The following TIAM2 variants were observed in gnomAD, a reference collection of about 807,000 sequenced individuals.
TIAM2 encodes the protein TIAM Rac1 associated GEF 2, also known as rho guanine nucleotide exchange factor TIAM2.
In TIAM2, 80 loss-of-function variants were observed where a neutral mutation model predicts 152.9. The observed-to-expected ratio is 0.52, with a 90% CI of 0.44 to 0.63. The LOEUF (loss-of-function observed/expected upper bound fraction) is 0.63. TIAM2 is among the 30% of genes least tolerant of loss of function. The probability of loss-of-function intolerance (pLI) is 0.00; values close to 1 mark genes in which losing one functional copy is unlikely to be tolerated. For synonymous variants in TIAM2, 804 were observed against 838.0 expected, an observed-to-expected ratio of 0.96 and a Z score of 0.70; for missense variants, 1,965 against 2,120.1, an observed-to-expected ratio of 0.93 and a Z score of 1.44.
chr6:155,014,846 TCTC>T (rs1257692987), intron 1 of TIAM2, among the ~76,000 whole-genome samples: 5 of 152,176 alleles, frequency 3.3e-5, no homozygotes, highest in Non-Finnish European at 4.4e-5. Flanking sequence ...TGCAAATTCT[TCTC>T]CTATGAGAAA....
chr6:155,116,853 A>T (rs1260574909), intron 2 of TIAM2, among the ~76,000 whole-genome samples: 2 of 152,120 alleles, frequency 1.3e-5, no homozygotes, highest in African/African-American at 4.8e-5. Flanking sequence ...ACAATTTTGA[A>T]TCCCATGTTT....
At chr6:155,120,207 C>T (rs9384287) in intron 2 of TIAM2, among the ~76,000 whole-genome samples, 61,873 of 152,104 alleles carry the variant, frequency 0.41, 14,668 homozygotes, top group African/African-American at 0.64. Flanking sequence ...AGATCCTGCT[C>T]GGAGGGCATT....
chr6:155,028,282 T>G (rs181589880), intron 1 of TIAM2, among the ~76,000 whole-genome samples: 2 of 129,936 alleles, frequency 1.5e-5, no homozygotes, highest in African/African-American at 2.8e-5. Flanking sequence ...ATATATGTAC[T>G]GTGTTACATA....
chr6:155,058,368 A>C (rs771030571), intron 1 of TIAM2, among the ~76,000 whole-genome samples: 1 of 152,224 alleles, frequency 6.6e-6, no homozygotes, highest in Non-Finnish European at 1.5e-5. Context: ...GATGATTTTA[A>C]CATGCATCCA....
At chr6:155,105,543 A>T (rs1335812285) in intron 2 of TIAM2, among the ~76,000 whole-genome samples, 1 of 151,486 alleles carries the variant, frequency 6.6e-6, no homozygotes, top group Non-Finnish European at 1.5e-5. Flanking sequence ...TGATCTGCCC[A>T]CATCAGCCTC....
intron 7 of TIAM2, among the ~76,000 whole-genome samples, chr6:155,152,066 A>G (rs1425306277): frequency 6.6e-6 from 1 of 151,584 alleles, no homozygotes; most frequent in African/African-American, 2.4e-5. Flanking sequence ...CTGGTCTCGA[A>G]CTCTGACCTT....
chr6:155,237,082 A>T (rs1381102088), intron 15 of TIAM2, among the ~76,000 whole-genome samples: 1 of 152,256 alleles, frequency 6.6e-6, no homozygotes, highest in Non-Finnish European at 1.5e-5. Context: ...AGCCTGTAAA[A>T]TCAAAAGCAA....
At chr6:155,047,708 A>AGAGAGAGC (rs1777223323) in intron 1 of TIAM2, among the ~76,000 whole-genome samples, 1 of 92,570 alleles carries the variant, frequency 1.1e-5, no homozygotes, top group African/African-American at 3.9e-5. Context: ...AGAGAGAGCG[A>AGAGAGAGC]GAGAGAGAGA....
chr6:155,178,262 C>T lies in TIAM2; in HGVS notation c.2524-777C>T, dbSNP rs148158844. Among the ~76,000 whole-genome samples the T allele has an allele frequency of 7.6e-3, 1,142 of 150,676 alleles. 8 individuals are homozygous for T. The highest frequency in any genetic ancestry group is 0.021 in the Middle Eastern group (6 of 288). ...TTTCTCACTGTTGAAAATATGCATG[C>T]GAGAGAAAATATGAGTGTGTGTGCG... On this transcript the variant is annotated intron_variant, in intron 10 of 26. Coordinates refer to ENST00000682666, the MANE Select transcript of TIAM2 (RefSeq NM_012454.4).
Position 155,212,653 on chromosome 6 carries a change from G to T in TIAM2, c.3168+1346G>T, listed in dbSNP as rs146427030. ...CCAGCCGGAAACCTCTGTGGCCAAG[G>T]GTGCTTTTGCCCAAGTTTTGCTCGG... On this transcript the variant is annotated intron_variant, in intron 15 of 26. Transcript: ENST00000682666. Among the ~76,000 whole-genome samples, 1,044 of 152,122 alleles carry T rather than the reference G, an allele frequency of 6.9e-3. 13 individuals are homozygous for T. The highest frequency in any genetic ancestry group is 0.024 in the African/African-American group (997 of 41,456).
intron 1 of TIAM2, among the ~76,000 whole-genome samples, chr6:155,026,410 A>AT (rs914436695): frequency 3.9e-5 from 6 of 152,022 alleles, no homozygotes; most frequent in African/African-American, 9.7e-5. Context: ...GAGTTTCTCA[A>AT]TTTTTTTTCC....
intron 2 of TIAM2, among the ~76,000 whole-genome samples, chr6:155,091,031 C>T (rs752247852): frequency 6.6e-6 from 1 of 152,120 alleles, no homozygotes; most frequent in Non-Finnish European, 1.5e-5. Flanking sequence ...GGAGTTCGTG[C>T]GTGCTTAGCT....
Position 155,129,702 on chromosome 6 carries a change from G to T in TIAM2, c.479G>T (p.Arg160Leu). The T allele has an allele frequency of 6.2e-7, 1 of 1,614,046 alleles. No homozygotes were observed. Among genetic ancestry groups the T allele is most frequent in the African/African-American group, 1.3e-5 (1 of 75,040 alleles). Residue 160 changes from arginine to leucine, a missense_variant, in exon 4 of 27, where the codon CGA (arginine) becomes CTA (leucine). Arg to Leu is a moderately radical substitution (Grantham distance 102). Around this residue, in one of 3 missense-constraint regions of TIAM2, gnomAD observed 1,025 missense variants for 1,119.4 expected, o/e 0.92. Transcript: ENST00000682666. The surrounding 1 kb of genome is among the most constrained non-coding windows in gnomAD (Gnocchi z 4.8). Reference sequence around the variant, plus strand: ...CCGGGCGAAGACCGCAAGAGCCCCCGAGTGCTCATCAAAACGCTGGGGAAG... The same window carrying T: ...CCGGGCGAAGACCGCAAGAGCCCCCTAGTGCTCATCAAAACGCTGGGGAAG... ...TPPGEDRKSP[R>L]VLIKTLGKLD... is the part of the protein sequence containing the mutation.
chr6:155,033,619 C>T (rs532537776), intron 1 of TIAM2, among the ~76,000 whole-genome samples: 7 of 152,190 alleles, frequency 4.6e-5, no homozygotes, highest in East Asian at 1.9e-4. Flanking sequence ...ATATTTCACA[C>T]GCAGTGTCTT....
chr6:155,108,842 G>C (rs1461542499), intron 2 of TIAM2, among the ~76,000 whole-genome samples: 1 of 151,992 alleles, frequency 6.6e-6, no homozygotes, highest in Admixed American at 6.6e-5. Context: ...CAGAAGTATT[G>C]AATAAAAAAC....
chr6:155,156,964 C>T lies in TIAM2; in HGVS notation c.2029-7451C>T, dbSNP rs1445892809. On this transcript the variant is annotated intron_variant, in intron 7 of 26. Transcript: ENST00000682666. The surrounding 1 kb of genome is among the most constrained non-coding windows in gnomAD (Gnocchi z 4.4). ...CCTTTTGCCCACTCCATCAGGGAGC[C>T]CCACTCTCCTCCCACAGTTCTCCAT... is the stretch of plus-strand genomic sequence containing the variant. Among the ~76,000 whole-genome samples, 1 of 152,192 alleles carries T rather than the reference C, an allele frequency of 6.6e-6. No individual in the cohort carries two copies. The highest frequency in any genetic ancestry group is 1.5e-5 in the Non-Finnish European group (1 of 68,032).
intron 24 of TIAM2, 148 bp from the exon 25 acceptor site, chr6:155,253,825 C>T: frequency 1.7e-6 from 1 of 591,198 alleles, no homozygotes; most frequent in Non-Finnish European, 2.9e-6. Flanking sequence ...CTGTGAAAAT[C>T]ATACATAGAA....
intron 14 of TIAM2, among the ~76,000 whole-genome samples, chr6:155,203,437 T>A (rs916749099): frequency 2.6e-5 from 4 of 152,230 alleles, no homozygotes; most frequent in Admixed American, 2.0e-4. Flanking sequence ...ATAGGGAAAC[T>A]GAGTAAATCA....
At chr6:155,246,857 C>A (rs574671922) in intron 19 of TIAM2, among the ~76,000 whole-genome samples, 1 of 152,368 alleles carries the variant, frequency 6.6e-6, no homozygotes, top group Non-Finnish European at 1.5e-5. Context: ...TTTGATCTTA[C>A]AACACAATCC....
Sources: allele counts gnomAD v4.1 joint callset (sites outside exome capture counted in the v4.1 genomes callset), GRCh38; gene constraint gnomAD v4.1.1; regional missense constraint gnomAD v4.1.1; non-coding constraint Gnocchi (gnomAD v3.1); transcripts MANE v1.5; gene names NCBI Gene and HGNC (gene_info 2026-07-23, HGNC 2026-07-21).